The following RPTOR variants were observed in gnomAD, a reference collection of about 807,000 sequenced individuals.
The protein encoded by RPTOR is regulatory-associated protein of mTOR.
In RPTOR, 21 loss-of-function variants were observed where a neutral mutation model predicts 169.9. The observed-to-expected ratio is 0.12, with a 90% CI of 0.09 to 0.18. The LOEUF is 0.18. Among genes scored for constraint, RPTOR ranks in the 10% least tolerant of loss-of-function variants. The pLI, the probability that RPTOR is intolerant of heterozygous loss-of-function variation, is 1.00. For missense variants in RPTOR, 1,133 were observed against 1,855.9 expected, an observed-to-expected ratio of 0.61 and a Z score of 7.16; for synonymous variants, 732 against 753.2, an observed-to-expected ratio of 0.97 and a Z score of 0.46.
chr17:80,640,454 A>C lies in RPTOR; in HGVS notation c.266-3274A>C, dbSNP rs558609553. 3.9e-5 allele frequency among the ~76,000 whole-genome samples: 6 copies of C among 152,204 alleles called. No individual in the cohort carries two copies. In the South Asian group the frequency reaches 1.0e-3, roughly 26 times the overall value. ...GCTTCTCATTTCAGCTCTCCCACCC[A>C]CTGCCCTATTCTTGGAAGGGAACCA... On this transcript the variant is annotated intron_variant, in intron 2 of 33. Coordinates refer to ENST00000306801, the MANE Select transcript of RPTOR (RefSeq NM_020761.3).
chr17:80,648,820 A>T (rs1271474378), intron 3 of RPTOR, among the ~76,000 whole-genome samples: 3 of 152,010 alleles, frequency 2.0e-5, no homozygotes, highest in African/African-American at 7.2e-5. Flanking sequence ...CATAGGGGGA[A>T]CCCAGTGGGA....
chr17:80,894,971 C>T (rs549132086), intron 20 of RPTOR, among the ~76,000 whole-genome samples: 73 of 152,368 alleles, frequency 4.8e-4, no homozygotes, highest in South Asian at 1.4e-3. Context: ...GTTTCTTTGG[C>T]TCTGACTTCA....
chr17:80,580,893 G>T (rs961630770), intron 1 of RPTOR, among the ~76,000 whole-genome samples: 1 of 152,174 alleles, frequency 6.6e-6, no homozygotes. Context: ...CTCCTAAAGT[G>T]CTGGGGTTGC....
At chr17:80,702,578 A>G (rs1406592155) in intron 3 of RPTOR, among the ~76,000 whole-genome samples, 1 of 152,226 alleles carries the variant, frequency 6.6e-6, no homozygotes, top group African/African-American at 2.4e-5. Flanking sequence ...CCTTAAAAAT[A>G]TTAATTAATT....
chr17:80,806,915 C>A (rs556912115), intron 7 of RPTOR, among the ~76,000 whole-genome samples: 1 of 152,172 alleles, frequency 6.6e-6, no homozygotes, highest in East Asian at 1.9e-4. Flanking sequence ...ATTAAAAACT[C>A]ATTTCCCTTT....
chr17:80,822,349 C>A, intron 8 of RPTOR, 48 bp downstream of exon 8: 7 of 1,552,140 alleles, frequency 4.5e-6, no homozygotes, highest in Non-Finnish European at 6.2e-6. Context: ...GCCTTGAGTG[C>A]GCGGGGAGCC....
intron 4 of RPTOR, among the ~76,000 whole-genome samples, chr17:80,725,353 T>G (rs2066322838): frequency 6.6e-6 from 1 of 152,256 alleles, no homozygotes; most frequent in South Asian, 2.1e-4. Context: ...CATTTCTATT[T>G]CTTTGTTTGA....
At chr17:80,674,822 AAAAC>A (rs2065850544) in intron 3 of RPTOR, among the ~76,000 whole-genome samples, 13 of 143,246 alleles carry the variant, frequency 9.1e-5, no homozygotes, top group African/African-American at 3.2e-4. Context: ...AAAAAAAAAA[AAAAC>A]AACTTCTCAA....
intron 20 of RPTOR, among the ~76,000 whole-genome samples, chr17:80,900,920 C>A (rs1190763773): frequency 9.2e-5 from 14 of 152,262 alleles, no homozygotes; most frequent in Admixed American, 9.2e-4. Context: ...TCCCCACGCC[C>A]ACAGCACCTC....
Position 80,947,361 on chromosome 17 carries a change from G to T in RPTOR, c.3265+10G>T. On this transcript the variant is annotated intron_variant, in intron 27 of 33. Coordinates refer to ENST00000306801, the MANE Select transcript of RPTOR (RefSeq NM_020761.3). The surrounding 1 kb of genome is among the most constrained non-coding windows in gnomAD (Gnocchi z 4.4). ...CTGCTGACGGCCACAGGTGAGCGGG[G>T]TTTGCACAGCCAGGATTGGAAGCCA... The T allele has an allele frequency of 1.3e-6, 2 of 1,546,776 alleles. No individual in the cohort carries two copies. Among genetic ancestry groups the T allele is most frequent in the Non-Finnish European group, 1.7e-6 (2 of 1,148,968 alleles).
At chr17:80,559,310 T>C (rs940611153) in intron 1 of RPTOR, among the ~76,000 whole-genome samples, 3 of 152,110 alleles carry the variant, frequency 2.0e-5, no homozygotes, top group African/African-American at 7.2e-5. Context: ...GCTCATTTGA[T>C]CCATTACCTT....
chr17:80,863,405 C>T (rs183139974), intron 13 of RPTOR, among the ~76,000 whole-genome samples: 4 of 152,282 alleles, frequency 2.6e-5, no homozygotes, highest in Admixed American at 2.6e-4. Context: ...AAAAGGAAAT[C>T]AACCCATTAA....
Position 80,860,969 on chromosome 17 carries a change from C to T in RPTOR, c.1509+3069C>T, listed in dbSNP as rs1053569786. 4.1e-4 allele frequency among the ~76,000 whole-genome samples: 45 copies of T among 109,900 alleles called. No homozygotes were observed. The highest frequency in any genetic ancestry group is 9.0e-4 in the African/African-American group (34 of 37,594). 72.1% of individuals were successfully genotyped at this position (109,900 alleles called of 152,430 possible). ...AGGTTGACCTTGACCTCAGTTCAAC[C>T]TTGAACCCTCCTGGGCCCAGTGCTC... On this transcript the variant is annotated intron_variant, in intron 13 of 33. Transcript: ENST00000306801. The surrounding 1 kb of genome is among the most constrained non-coding windows in gnomAD (Gnocchi z 5.8).
At chr17:80,601,327 G>A (rs946231742) in intron 1 of RPTOR, among the ~76,000 whole-genome samples, 3 of 152,262 alleles carry the variant, frequency 2.0e-5, no homozygotes, top group African/African-American at 7.2e-5. Flanking sequence ...CCTGCAGGAA[G>A]GAGAAAATGA....
At chr17:80,698,045 A>T (rs1190108434) in intron 3 of RPTOR, among the ~76,000 whole-genome samples, 1 of 152,180 alleles carries the variant, frequency 6.6e-6, no homozygotes, top group East Asian at 1.9e-4. Context: ...TGGTGGGGCC[A>T]GCGAGTAGAC....
At chr17:80,578,630 C>T (rs372809026) in intron 1 of RPTOR, among the ~76,000 whole-genome samples, 23 of 152,284 alleles carry the variant, frequency 1.5e-4, no homozygotes, top group African/African-American at 4.1e-4. Context: ...TACAGGCTTT[C>T]GAGGGGCTGA....
chr17:80,762,293 A>T (rs2143376051), intron 6 of RPTOR, among the ~76,000 whole-genome samples: 1 of 152,222 alleles, frequency 6.6e-6, no homozygotes, highest in Non-Finnish European at 1.5e-5. Context: ...GAGATTGATG[A>T]TCCTGGAGGG....
At position 80,878,177 on chromosome 17, in the gene RPTOR, C is replaced by T. The variant is rs2068143836; in HGVS notation, c.1510-2238C>T. Among the ~76,000 whole-genome samples, 1 of 152,212 alleles carries T rather than the reference C, an allele frequency of 6.6e-6. No individual in the cohort carries two copies. The highest frequency in any genetic ancestry group is 1.5e-5 in the Non-Finnish European group (1 of 68,038). Reference sequence around the variant, plus strand: ...CTGGGAGCTGGCAGAACGCACGCCTCACTCTGTCGATGCAGTGTCTGTCAC... The same window carrying T: ...CTGGGAGCTGGCAGAACGCACGCCTTACTCTGTCGATGCAGTGTCTGTCAC... On this transcript the variant is annotated intron_variant, in intron 13 of 33. Transcript: ENST00000306801. This position sits in a 1 kb window ranked among gnomAD's most constrained non-coding sequence, Gnocchi z 4.1.
At chr17:80,774,273 A>ACGGCGCGGGAG in intron 6 of RPTOR, 1 of 985,380 alleles carries the variant, frequency 1.0e-6, no homozygotes, top group Non-Finnish European at 1.2e-6. Flanking sequence ...TGTGACACAG[A>ACGGCGCGGGAG]CGGCGCGGGA....
Sources: allele counts gnomAD v4.1 joint callset (sites outside exome capture counted in the v4.1 genomes callset), GRCh38; gene constraint gnomAD v4.1.1; non-coding constraint Gnocchi (gnomAD v3.1); transcripts MANE v1.5; gene names NCBI Gene and HGNC (gene_info 2026-07-23, HGNC 2026-07-21).